Variants in MACF1 observed in about 807,000 individuals in gnomAD.
MACF1 encodes the protein microtubule-actin cross-linking factor 1.
A neutral mutation model predicts 854.8 loss-of-function variants in MACF1; 193 were observed. The ratio of observed to expected loss-of-function variants is 0.23; its 90% CI spans 0.20 to 0.25. The LOEUF is 0.25. Among genes scored for constraint, MACF1 ranks in the 10% least tolerant of loss-of-function variants. The pLI, the probability that MACF1 is intolerant of heterozygous loss-of-function variation, is 1.00. For synonymous variants in MACF1, 3,185 were observed against 3,226.7 expected (o/e 0.99, Z 0.44); for missense variants, 7,722 against 8,929.1 (o/e 0.86, Z 5.45).
At position 39,105,311 on chromosome 1, in the gene MACF1, T is replaced by G; in HGVS notation, c.220+20873T>G. The G allele has an allele frequency of 4.0e-6, 3 of 745,452 alleles. No individual in the cohort carries two copies. The highest frequency in any genetic ancestry group is 1.6e-6 in the Non-Finnish European group (1 of 612,142). The allele number at this position is 745,452 out of a possible 1,614,324, so 46.2% of individuals were successfully genotyped here. Reference sequence around the variant, plus strand: ...GGGAACGGGCCGGGCCTGGCGCTCCTGACAGGAGGAGCCGCCGCCGCCGCC... The same window carrying G: ...GGGAACGGGCCGGGCCTGGCGCTCCGGACAGGAGGAGCCGCCGCCGCCGCC... On this transcript the variant is annotated intron_variant, in intron 2 of 93. Coordinates refer to the MACF1 transcript ENST00000361689. This position sits in a 1 kb window ranked among gnomAD's most constrained non-coding sequence, Gnocchi z 5.9.
chr1:39,342,626 C>T (rs1482158179), intron 40 of MACF1, among the ~76,000 whole-genome samples: 3 of 149,024 alleles, frequency 2.0e-5, no homozygotes, highest in Non-Finnish European at 3.0e-5. Flanking sequence ...AACCTCCATT[C>T]TCCTGCCGCA....
intron 55 of MACF1, 96 bp from the exon 56 acceptor site, chr1:39,381,857 G>A (rs1250869940): frequency 1.2e-6 from 1 of 848,840 alleles, no homozygotes; most frequent in Non-Finnish European, 2.0e-6. Flanking sequence ...TAACGCTTCT[G>A]GGGTCATTTC....
chr1:39,377,340 G>A (rs183005407), intron 52 of MACF1, among the ~76,000 whole-genome samples: 1 of 152,204 alleles, frequency 6.6e-6, no homozygotes, highest in East Asian at 1.9e-4. Flanking sequence ...CCTTGCACAT[G>A]ACTTTTTGTA....
chr1:39,452,379 G>A, intron 86 of MACF1, 29 bp downstream of exon 86: 1 of 1,592,908 alleles, frequency 6.3e-7, no homozygotes. Flanking sequence ...CCCAACCCAA[G>A]GGATAGATCT....
At chr1:39,220,926 T>G (rs1644644612) in intron 1 of MACF1, among the ~76,000 whole-genome samples, 1 of 152,204 alleles carries the variant, frequency 6.6e-6, no homozygotes, top group Non-Finnish European at 1.5e-5. Flanking sequence ...TAAAGTGCCA[T>G]AGGCATCCAA....
chr1:39,466,675 G>C (rs891697526), intron 95 of MACF1, among the ~76,000 whole-genome samples: 1 of 152,156 alleles, frequency 6.6e-6, no homozygotes, highest in African/African-American at 2.4e-5. Flanking sequence ...ATTTTCACTT[G>C]TGGGGCCCAG....
At chr1:39,274,368 C>T (rs1219056182) in intron 6 of MACF1, among the ~76,000 whole-genome samples, 3 of 152,092 alleles carry the variant, frequency 2.0e-5, no homozygotes, top group Admixed American at 6.5e-5. Context: ...GTGGGTTCTG[C>T]GTCTGGGGAT....
Position 39,334,829 on chromosome 1 carries a change from G to T in MACF1, c.8241G>T (p.Glu2747Asp). ...DQRVTLVEAI[E>D]KRLISPELAN... ...GAGTGACTTTAGTAGAAGCTATTGA[G>T]AAAAGACTGATCAGCCCTGAACTGG... Residue 2747 changes from glutamate to aspartate, a missense_variant, in exon 37 of 101, where the codon GAG becomes GAT. Around this residue, in one of 15 missense-constraint regions of MACF1, gnomAD observed 1,531 missense variants for 1,601.6 expected, o/e 0.96. Coordinates refer to ENST00000564288, the MANE Select transcript of MACF1 (RefSeq NM_001394062.1). The T allele has an allele frequency of 1.2e-6, 2 of 1,614,152 alleles. No individual in the cohort carries two copies. Among genetic ancestry groups the T allele is most frequent in the Admixed American group, 3.3e-5 (2 of 60,022 alleles).
intron 4 of MACF1, among the ~76,000 whole-genome samples, chr1:39,253,509 A>ATTTTTTTT (rs34578005): frequency 2.5e-4 from 23 of 91,520 alleles, no homozygotes; most frequent in Non-Finnish European, 3.9e-4. Flanking sequence ...AGCTATCTGT[A>ATTTTTTTT]TTTTTTTTTT....
intron 2 of MACF1, among the ~76,000 whole-genome samples, chr1:39,088,883 A>G (rs138563829): frequency 1.0e-3 from 153 of 152,336 alleles, no homozygotes; most frequent in African/African-American, 3.4e-3. Flanking sequence ...AGATGGCAGT[A>G]ACATGTTTTG....
chr1:39,463,983 A>G lies in MACF1; in HGVS notation c.21753+297A>G, dbSNP rs75474215. ...GATGAAGGTACCTTTGGAAACAATTATATCTATTGACTGACCACTTGCCCA... is the reference window on the plus strand; with the variant it reads ...GATGAAGGTACCTTTGGAAACAATTGTATCTATTGACTGACCACTTGCCCA... On this transcript the variant is annotated intron_variant, in intron 94 of 100. Coordinates refer to ENST00000564288, the MANE Select transcript of MACF1 (RefSeq NM_001394062.1). The G allele has an allele frequency of 8.3e-3, 2,429 of 292,170 alleles. 20 individuals carry two copies. The highest frequency in any genetic ancestry group is 0.012 in the Non-Finnish European group (1,733 of 146,316). 18.1% of individuals were successfully genotyped at this position (292,170 alleles called of 1,614,324 possible). A position where few individuals can be genotyped will look rare whatever the true frequency, so the allele number is the denominator to read the frequency against.
chr1:39,484,812 G>A (rs765714792), intron 100 of MACF1, 82 bp downstream of exon 100: 14 of 1,545,342 alleles, frequency 9.1e-6, no homozygotes, highest in Non-Finnish European at 1.3e-5. Flanking sequence ...CTGCTCCCAA[G>A]GAGCGGGTAA....
Position 39,291,993 on chromosome 1 carries a change from T to G in MACF1, c.1869T>G (p.Ser623Arg), listed in dbSNP as rs780644844. The part of the protein sequence containing the change: ...QLETQQHIHT[S>R]VEELGSSVKE... ...AAACACAGCAGCACATCCATACGAG[T>G]GTAGAAGAGCTGGGCTCAAGTGTCA... The change falls in exon 16 of 101, where the codon AGT becomes AGG. Residue 623 changes from serine (S) to arginine (R), a missense_variant. This residue lies in a region of MACF1 where 1,137 missense variants were observed against 1,263.0 expected (regional missense o/e 0.90). Coordinates refer to ENST00000564288, the MANE Select transcript of MACF1 (RefSeq NM_001394062.1). 28 of 1,613,914 alleles carry G rather than the reference T, an allele frequency of 1.7e-5. No homozygotes were observed. Among genetic ancestry groups the G allele is most frequent in the Non-Finnish European group, 2.4e-5 (28 of 1,179,966 alleles).
At chr1:39,257,874 C>A in intron 5 of MACF1, 62 bp from the exon 6 acceptor site, 1 of 1,251,196 alleles carries the variant, frequency 8.0e-7, no homozygotes, top group Non-Finnish European at 1.2e-6. Flanking sequence ...TGAAGTGATG[C>A]AAAAATTTAA....
chr1:39,353,376 C>G (rs1647263257), intron 44 of MACF1, 145 bp downstream of exon 44: 1 of 595,732 alleles, frequency 1.7e-6, no homozygotes, highest in South Asian at 2.5e-5. Flanking sequence ...CACTGTTGGC[C>G]ACTCCTCTTG....
At chr1:39,382,180 G>T in intron 56 of MACF1, 28 bp downstream of exon 56, 2 of 1,598,268 alleles carry the variant, frequency 1.3e-6, no homozygotes. Context: ...AAAGAAATTG[G>T]AATCACATGA....
Position 39,332,293 on chromosome 1 carries a change from A to G in MACF1, c.5705A>G (p.Lys1902Arg). 1 of 1,613,928 alleles carries G rather than the reference A, an allele frequency of 6.2e-7. No individual in the cohort carries two copies. Among genetic ancestry groups the G allele is most frequent in the Admixed American group, 1.7e-5 (1 of 60,018 alleles). Residue 1902 changes from lysine to arginine, a missense_variant, in exon 37 of 101, where the codon AAA becomes AGA. By Grantham distance (26) the Lys-to-Arg change is conservative (BLOSUM62 2). Coordinates refer to ENST00000564288, the MANE Select transcript of MACF1 (RefSeq NM_001394062.1). Reference protein sequence around the residue: ...PATTEILSWKKAIESGILDRD... With the variant: ...PATTEILSWKRAIESGILDRD... Reference sequence around the variant, plus strand: ...ACCACAGAGATTTTGTCCTGGAAGAAAGCAATAGAAAGTGGTATCCTGGAT... The same window carrying G: ...ACCACAGAGATTTTGTCCTGGAAGAGAGCAATAGAAAGTGGTATCCTGGAT...
At chr1:39,134,321 C>A (rs943556011) in intron 2 of MACF1, among the ~76,000 whole-genome samples, 1 of 152,006 alleles carries the variant, frequency 6.6e-6, no homozygotes, top group African/African-American at 2.4e-5. Context: ...GCTGGGATTA[C>A]AGGCATGAGC....
chr1:39,338,966 A>T (rs1571358716), intron 38 of MACF1, among the ~76,000 whole-genome samples: 1 of 152,212 alleles, frequency 6.6e-6, no homozygotes, highest in African/African-American at 2.4e-5. Flanking sequence ...TGGACAAAAT[A>T]CAGACTATTT....
Sources: gnomAD v4.1 joint callset for allele counts (sites outside exome capture counted in the v4.1 genomes callset) on GRCh38, gnomAD v4.1.1 for gene constraint, gnomAD v4.1.1 regional missense constraint, Gnocchi (gnomAD v3.1) non-coding constraint, MANE v1.5 for transcripts, NCBI Gene and HGNC (gene_info 2026-07-23, HGNC 2026-07-21) for gene names.